CEBPZOS: variants seen among roughly 807,000 people sequenced by gnomAD.
CEBPZOS encodes protein CEBPZOS.
In CEBPZOS, 10 loss-of-function variants were observed where a neutral mutation model predicts 4.8. The ratio of observed to expected loss-of-function variants is 2.07; its 90% CI spans 1.28 to 3.52. The LOEUF is 3.52. Ranked by LOEUF, CEBPZOS falls within the 30% of genes most tolerant of loss-of-function variation. CEBPZOS has a pLI of 0.00. For synonymous variants in CEBPZOS, 25 were observed against 14.2 expected (o/e 1.77, Z -1.72); for missense variants, 98 against 43.6 (o/e 2.25, Z -3.51).
downstream of CEBPZOS, among the ~76,000 whole-genome samples, chr2:37,215,786 T>C (rs1677852667): frequency 6.6e-6 from 1 of 152,124 alleles, no homozygotes; most frequent in Non-Finnish European, 1.5e-5. Context: ...AGCTTTAAGA[T>C]GGTCTGAATT....
At chr2:37,201,801 ATC>A (rs1677255316) in intron 4 of CEBPZOS, 60 bp from the exon 5 acceptor site, 1 of 1,564,906 alleles carries the variant, frequency 6.4e-7, no homozygotes, top group Admixed American at 1.7e-5. Context: ...AGTGGTTTTA[ATC>A]CTCTTCTTTT....
chr2:37,197,082 T>C (rs958117763), intron 1 of CEBPZOS, among the ~76,000 whole-genome samples: 5 of 152,182 alleles, frequency 3.3e-5, no homozygotes, highest in African/African-American at 1.2e-4. Flanking sequence ...CCCCGTGTGA[T>C]GTTAACTGCA....
At chr2:37,197,761 G>A (rs1003041901) in intron 1 of CEBPZOS, among the ~76,000 whole-genome samples, 1 of 152,244 alleles carries the variant, frequency 6.6e-6, no homozygotes, top group East Asian at 1.9e-4. Context: ...AGCTACTCGG[G>A]AGGCTGAGGC....
intron 4 of CEBPZOS, chr2:37,210,239 G>A (rs1293879187): frequency 6.6e-6 from 1 of 152,178 alleles, no homozygotes; most frequent in East Asian, 1.9e-4. Flanking sequence ...AGAACTGAAA[G>A]TAGAACTATC....
downstream of CEBPZOS, chr2:37,208,853 C>G (rs1339999889): frequency 6.6e-6 from 1 of 152,050 alleles, no homozygotes; most frequent in Non-Finnish European, 1.5e-5. Flanking sequence ...CAAACTGTCA[C>G]TATTCACCGA....
At chr2:37,213,008 C>T (rs1677776109) in intron 4 of CEBPZOS, among the ~76,000 whole-genome samples, 1 of 152,082 alleles carries the variant, frequency 6.6e-6, no homozygotes, top group Non-Finnish European at 1.5e-5. Flanking sequence ...GATTGTGCCA[C>T]TGCACTCCAG....
chr2:37,212,641 G>A lies in CEBPZOS; in HGVS notation c.*3-796G>A, dbSNP rs374478049. The A allele has an allele frequency of 4.7e-4, 237 of 500,564 alleles. 2 individuals are homozygous for A. In the South Asian group the frequency reaches 6.9e-3, roughly 15 times the overall value. The allele number at this position is 500,564 out of a possible 1,614,324, so 31.0% of individuals were successfully genotyped here. ...TCGGCTCTTTCTACAGTTCTTTTAT[G>A]GAAAGAGGATAAATATCAAATAAAA... is the stretch of plus-strand genomic sequence containing the variant. On this transcript the variant is annotated intron_variant, in intron 4 of 4. Transcript: ENST00000397064.
chr2:37,214,164 T>C (rs1483523676), downstream of CEBPZOS, among the ~76,000 whole-genome samples: 2 of 152,168 alleles, frequency 1.3e-5, no homozygotes, highest in South Asian at 2.1e-4. Flanking sequence ...TTAAGTGTAA[T>C]ACATTTCAAA....
At chr2:37,197,421 A>G (rs1676998674) in intron 1 of CEBPZOS, 1 of 152,288 alleles carries the variant, frequency 6.6e-6, no homozygotes, top group Non-Finnish European at 1.5e-5. Flanking sequence ...GCAGCCGTAC[A>G]GTATTATTCG....
At chr2:37,211,921 C>A (rs372501847) in intron 4 of CEBPZOS, 1 of 1,613,560 alleles carries the variant, frequency 6.2e-7, no homozygotes, top group Non-Finnish European at 8.5e-7. Context: ...AATTCTTCAT[C>A]ATCCATACTT....
At chr2:37,200,603 G>C (rs1677172525) in intron 2 of CEBPZOS, among the ~76,000 whole-genome samples, 1 of 152,048 alleles carries the variant, frequency 6.6e-6, no homozygotes, top group Non-Finnish European at 1.5e-5. Flanking sequence ...GGGAGGCCAA[G>C]GTGGAAGGAC....
At chr2:37,207,098 A>T (rs1677564404), downstream of CEBPZOS, among the ~76,000 whole-genome samples, 1 of 152,208 alleles carries the variant, frequency 6.6e-6, no homozygotes, top group Non-Finnish European at 1.5e-5. Context: ...CCAACAAGAA[A>T]TGTCATAATC....
chr2:37,212,006 A>T, intron 4 of CEBPZOS: 1 of 1,603,084 alleles, frequency 6.2e-7, no homozygotes. Flanking sequence ...CTAATGTGTT[A>T]TCCTTAGCTC....
intron 4 of CEBPZOS, chr2:37,212,694 A>ACTC (rs1572499496): frequency 5.0e-6 from 2 of 400,982 alleles, no homozygotes; most frequent in Admixed American, 4.3e-5. Context: ...CGTCCTTTTT[A>ACTC]CTCTATTAGA....
intron 2 of CEBPZOS, 151 bp from the exon 3 acceptor site, chr2:37,200,897 C>T (rs1050468572): frequency 4.1e-5 from 23 of 561,670 alleles, no homozygotes; most frequent in Admixed American, 6.7e-5. Flanking sequence ...AAAAGGAGAT[C>T]GTTCCTGGAT....
At chr2:37,209,778 G>A (rs905104481) in intron 4 of CEBPZOS, 5 of 151,904 alleles carry the variant, frequency 3.3e-5, no homozygotes, top group African/African-American at 9.7e-5. Context: ...AAAACAAATA[G>A]ATGGGACTTA....
intron 4 of CEBPZOS, among the ~76,000 whole-genome samples, chr2:37,213,123 A>G (rs1390736675): frequency 6.6e-6 from 1 of 152,124 alleles, no homozygotes; most frequent in Admixed American, 6.6e-5. Context: ...TTTCCAATTT[A>G]CCATGTTTTT....
intron 3 of CEBPZOS, 141 bp downstream of exon 3, chr2:37,201,233 ATTCTAGTGAG>A (rs1677215370): frequency 6.7e-6 from 4 of 601,356 alleles, no homozygotes; most frequent in Non-Finnish European, 1.2e-5. Flanking sequence ...ATTCTCATCT[ATTCTAGTGAG>A]AGGAGAATTA....
At chr2:37,212,381 C>T in intron 4 of CEBPZOS, 5 of 1,613,352 alleles carry the variant, frequency 3.1e-6, no homozygotes, top group Non-Finnish European at 4.2e-6. Flanking sequence ...CAGTTATCAT[C>T]TTCAAATGTG....
Sources: gnomAD v4.1 joint callset for allele counts (sites outside exome capture counted in the v4.1 genomes callset) on GRCh38, gnomAD v4.1.1 for gene constraint, MANE v1.5 for transcripts, NCBI Gene and HGNC (gene_info 2026-07-23, HGNC 2026-07-21) for gene names.